The following AR variants were observed in gnomAD, a reference collection of about 807,000 sequenced individuals.
AR encodes the protein androgen receptor, also known as dihydrotestosterone receptor.
In AR, 8 loss-of-function variants were observed where a neutral mutation model predicts 53.9. The ratio of observed to expected loss-of-function variants is 0.15; its 90% CI spans 0.09 to 0.27. The LOEUF (loss-of-function observed/expected upper bound fraction) is 0.27. Ranked by LOEUF, AR falls within the 10% of genes least tolerant of loss-of-function variation. The probability of loss-of-function intolerance (pLI) is 1.00; values close to 1 mark genes in which losing one functional copy is unlikely to be tolerated. For synonymous variants in AR, 359 were observed against 316.4 expected (o/e 1.13, Z -1.43); for missense variants, 639 against 742.5 (o/e 0.86, Z 1.62).
At chrX:67,547,615 A>C (rs1018675715) in intron 1 of AR, among the ~76,000 whole-genome samples, 1 of 112,245 alleles carries the variant, frequency 8.9e-6, no homozygotes, top group East Asian at 2.8e-4. Context: ...TTTAATGTAC[A>C]ATTTAATTAG....
At chrX:67,623,237 T>C (rs1924464959) in intron 1 of AR, among the ~76,000 whole-genome samples, 1 of 110,345 alleles carries the variant, frequency 9.1e-6, no homozygotes, top group African/African-American at 3.3e-5. Context: ...GAAAATTAAC[T>C]TTTCCAGAAC....
chrX:67,655,755 G>C (rs1926556808), intron 2 of AR, among the ~76,000 whole-genome samples: 1 of 111,356 alleles, frequency 9.0e-6, no homozygotes, highest in Non-Finnish European at 1.9e-5. Context: ...GGATTCATAA[G>C]GATAACATGA....
intron 1 of AR, among the ~76,000 whole-genome samples, chrX:67,593,694 T>A (rs1922945765): frequency 8.9e-6 from 1 of 112,416 alleles, no homozygotes; most frequent in African/African-American, 3.2e-5. Flanking sequence ...CTGATATTTT[T>A]AAAAAAGATC....
intron 2 of AR, among the ~76,000 whole-genome samples, chrX:67,644,143 G>A (rs1268451235): frequency 8.9e-6 from 1 of 111,989 alleles, no homozygotes; most frequent in Non-Finnish European, 1.9e-5. Flanking sequence ...ACCTCTAGAG[G>A]CGCTCAGCCC....
chrX:67,566,367 G>A (rs1489709669), intron 1 of AR, among the ~76,000 whole-genome samples: 1 of 111,680 alleles, frequency 9.0e-6, no homozygotes, highest in African/African-American at 3.3e-5. Flanking sequence ...CTTGTGAAAC[G>A]CCATTAGCAA....
At chrX:67,694,771 G>T in intron 3 of AR, 1 of 1,148,168 alleles carries the variant, frequency 8.7e-7, no homozygotes, top group Non-Finnish European at 1.1e-6. Context: ...GAGGGCTCTA[G>T]TGGATAGTCT....
At chrX:67,678,556 G>C (rs1401735812) in intron 2 of AR, among the ~76,000 whole-genome samples, 1 of 111,724 alleles carries the variant, frequency 9.0e-6, no homozygotes, top group African/African-American at 3.3e-5. Flanking sequence ...TTTAGGTTCA[G>C]GGGTTCATGT....
chrX:67,634,095 ATAT>A (rs1169924863), intron 1 of AR, among the ~76,000 whole-genome samples: 2 of 111,666 alleles, frequency 1.8e-5, no homozygotes, highest in Non-Finnish European at 3.8e-5. Flanking sequence ...TATAACAGAA[ATAT>A]TATATGGCTT....
chrX:67,712,660 G>A (rs1473409616), intron 4 of AR, among the ~76,000 whole-genome samples: 3 of 111,868 alleles, frequency 2.7e-5, no homozygotes, highest in Non-Finnish European at 5.6e-5. Flanking sequence ...TCTATCCCAG[G>A]GAAGCCCTAG....
intron 1 of AR, among the ~76,000 whole-genome samples, chrX:67,569,283 A>T (rs1180397226): frequency 9.1e-6 from 1 of 110,394 alleles, no homozygotes; most frequent in African/African-American, 3.3e-5. Flanking sequence ...CTATGATAAG[A>T]TTGCCTTTTT....
chrX:67,669,921 G>A (rs2075852724), intron 2 of AR, among the ~76,000 whole-genome samples: 1 of 107,324 alleles, frequency 9.3e-6, no homozygotes, highest in Non-Finnish European at 1.9e-5. Flanking sequence ...TTTTCAGGCA[G>A]CGTGTTTCTT....
At chrX:67,706,903 G>A (rs2076070604) in intron 3 of AR, among the ~76,000 whole-genome samples, 1 of 111,838 alleles carries the variant, frequency 8.9e-6, no homozygotes, top group East Asian at 2.8e-4. Context: ...ATTTCATTAT[G>A]TACCCAGTAG....
intron 1 of AR, among the ~76,000 whole-genome samples, chrX:67,614,961 C>T (rs1924045786): frequency 9.1e-6 from 1 of 110,004 alleles, no homozygotes; most frequent in South Asian, 3.8e-4. Flanking sequence ...GAAAAATTCA[C>T]TAGAAAAGGT....
chrX:67,616,875 A>G (rs1924144630), intron 1 of AR, among the ~76,000 whole-genome samples: 1 of 111,309 alleles, frequency 9.0e-6, no homozygotes, highest in African/African-American at 3.3e-5. Context: ...CCTGTTTTGA[A>G]GGCAAAGCGC....
At chrX:67,657,863 C>T (rs982526779) in intron 2 of AR, among the ~76,000 whole-genome samples, 1 of 111,641 alleles carries the variant, frequency 9.0e-6, no homozygotes, top group Admixed American at 9.6e-5. Context: ...TATTCATGTC[C>T]TTTTTTTCTT....
At chrX:67,558,685 A>T (rs1458472865) in intron 1 of AR, among the ~76,000 whole-genome samples, 1 of 112,131 alleles carries the variant, frequency 8.9e-6, no homozygotes, top group Non-Finnish European at 1.9e-5. Flanking sequence ...GGAATTATTG[A>T]AAAGGGCCTA....
At chrX:67,626,900 G>A (rs868453415) in intron 1 of AR, among the ~76,000 whole-genome samples, 5 of 101,151 alleles carry the variant, frequency 4.9e-5, no homozygotes, top group Admixed American at 1.1e-4. Flanking sequence ...TTGTTCTTGC[G>A]ATAGTTTACT....
intron 1 of AR, among the ~76,000 whole-genome samples, chrX:67,578,152 G>A (rs1922140121): frequency 9.0e-6 from 1 of 111,504 alleles, no homozygotes; most frequent in Non-Finnish European, 1.9e-5. Flanking sequence ...CTTTAGCTTG[G>A]TTGGATTTAG....
intron 1 of AR, among the ~76,000 whole-genome samples, chrX:67,581,153 T>C (rs748213750): frequency 9.0e-6 from 1 of 111,527 alleles, no homozygotes; most frequent in Non-Finnish European, 1.9e-5. Flanking sequence ...TCTCTTCTCC[T>C]GTCCTTTCCC....
Sources: allele counts gnomAD v4.1 joint callset (sites outside exome capture counted in the v4.1 genomes callset), GRCh38; gene constraint gnomAD v4.1.1; transcripts MANE v1.5; gene names NCBI Gene and HGNC (gene_info 2026-07-23, HGNC 2026-07-21).